The following TRPM6 variants were observed in gnomAD, a reference collection of about 807,000 sequenced individuals.
TRPM6 encodes the protein transient receptor potential cation channel subfamily M member 6, also known as channel kinase 2.
Under a neutral mutation model 247.6 loss-of-function variants are expected in TRPM6, and 111 were observed. The observed-to-expected ratio is 0.45, with a 90% CI of 0.38 to 0.52. TRPM6 has a LOEUF of 0.52. Among genes scored for constraint, TRPM6 ranks in the 20% least tolerant of loss-of-function variants. The probability of loss-of-function intolerance (pLI) is 0.00; values close to 1 mark genes in which losing one functional copy is unlikely to be tolerated. For synonymous variants in TRPM6, 892 were observed against 853.8 expected (o/e 1.04, Z -0.78); for missense variants, 2,126 against 2,421.5 (o/e 0.88, Z 2.56).
In TRPM6 at chr9:74,821,810, C is replaced by T. The variant is rs370159811; in HGVS notation, c.869G>A (p.Gly290Glu). ...CRSRQGVPVV[G>E]LVVEGGPNVI... ...GTTGGGACCGCCTTCCACCACCAGCCCCACGACCGGCACGCCTTGTCTTGA... is the reference window on the plus strand; with the variant it reads ...GTTGGGACCGCCTTCCACCACCAGCTCCACGACCGGCACGCCTTGTCTTGA... Residue 290 changes from glycine to glutamate, a missense_variant, in exon 8 of 39, where the codon GGG (glycine) becomes GAG (glutamate). Gly to Glu is a moderately conservative substitution (Grantham distance 98, BLOSUM62 -2). This residue lies in a region of TRPM6 where 1,082 missense variants were observed against 1,307.9 expected (regional missense o/e 0.83). Transcript: ENST00000360774. 70 of 1,614,060 alleles carry T rather than the reference C, an allele frequency of 4.3e-5. No homozygotes were observed. Among genetic ancestry groups the T allele is most frequent in the Non-Finnish European group, 5.8e-5 (69 of 1,180,040 alleles).
intron 24 of TRPM6, among the ~76,000 whole-genome samples, chr9:74,772,376 AT>A (rs1318529166): frequency 6.6e-6 from 1 of 152,214 alleles, no homozygotes; most frequent in East Asian, 1.9e-4. Context: ...TCTCTTCAAT[AT>A]TTTCACAGGT....
At chr9:74,882,542 A>C (rs979572301) in intron 1 of TRPM6, among the ~76,000 whole-genome samples, 2 of 152,226 alleles carry the variant, frequency 1.3e-5, no homozygotes, top group Non-Finnish European at 2.9e-5. Flanking sequence ...GTAAAATGCA[A>C]ATCAAAACCA....
chr9:74,754,509 G>T lies in TRPM6; in HGVS notation c.4906+844C>A, dbSNP rs1019100229. ...AGTTATGACAACAAAAATATCTCCA[G>T]ATATTCCCAAGTGTCCCACGGGGAA... On this transcript the variant is annotated intron_variant, in intron 28 of 38. Transcript: ENST00000360774. Among the ~76,000 whole-genome samples the T allele has an allele frequency of 1.3e-4, 20 of 152,270 alleles. 1 individual carries two copies. The highest frequency in any genetic ancestry group is 1.2e-3 in the Admixed American group (18 of 15,294).
At position 74,738,434 on chromosome 9, in the gene TRPM6, C is replaced by G; in HGVS notation, c.5749G>C (p.Gly1917Arg). The stretch of plus-strand genomic sequence containing the variant: ...TGCAAATCTAAAACCAGCAGCTCTC[C>G]CCGAGTGTACTCATAGGTCCAGTGA... Reference protein sequence around the residue: ...FSHWTYEYTRGELLVLDLQGV... With the variant: ...FSHWTYEYTRRELLVLDLQGV... Residue 1917 changes from glycine (G) to arginine (R), a missense_variant, in exon 36 of 39, where the codon GGA becomes CGA. By Grantham distance (125) the Gly-to-Arg change is moderately radical. Coordinates refer to ENST00000360774, the MANE Select transcript of TRPM6 (RefSeq NM_017662.5). 6.2e-7 allele frequency: 1 copy of G among 1,614,026 alleles called. No individual in the cohort carries two copies. Among genetic ancestry groups the G allele is most frequent in the African/African-American group, 1.3e-5 (1 of 75,010 alleles).
intron 25 of TRPM6, among the ~76,000 whole-genome samples, chr9:74,768,859 T>C (rs1826915694): frequency 6.6e-6 from 1 of 151,968 alleles, no homozygotes; most frequent in Admixed American, 6.6e-5. Context: ...CCTTAGTTTA[T>C]AGTTTAGAGT....
At chr9:74,741,659 G>A (rs1384772557) in intron 33 of TRPM6, among the ~76,000 whole-genome samples, 5 of 151,988 alleles carry the variant, frequency 3.3e-5, no homozygotes, top group African/African-American at 4.8e-5. Flanking sequence ...GGAGTCTGGG[G>A]CGGGTAGATC....
At chr9:74,862,335 T>C (rs1458730352) in intron 1 of TRPM6, among the ~76,000 whole-genome samples, 1 of 152,134 alleles carries the variant, frequency 6.6e-6, no homozygotes, top group East Asian at 1.9e-4. Flanking sequence ...TTTGTTGTGG[T>C]CGTGGTAGTT....
intron 3 of TRPM6, among the ~76,000 whole-genome samples, chr9:74,849,543 A>G (rs1168486455): frequency 1.3e-5 from 2 of 152,136 alleles, no homozygotes; most frequent in Non-Finnish European, 2.9e-5. Context: ...CCAACCCTGC[A>G]AACAACTTGG....
intron 1 of TRPM6, among the ~76,000 whole-genome samples, chr9:74,870,015 C>T (rs1051020031): frequency 6.6e-6 from 1 of 152,158 alleles, no homozygotes. Flanking sequence ...TTTTGCCCCT[C>T]TTACCCAGAG....
At position 74,842,475 on chromosome 9, in the gene TRPM6, T is replaced by C. The variant is rs937583773; in HGVS notation, c.153-132A>G. ...ACTTCACATTAAGGTTTATATTAAATTTCTAACATAGGACTGTCTTCTAAG... is the reference window on the plus strand; with the variant it reads ...ACTTCACATTAAGGTTTATATTAAACTTCTAACATAGGACTGTCTTCTAAG... On this transcript the variant is annotated intron_variant, in intron 3 of 38. Transcript: ENST00000360774. 3.2e-6 allele frequency: 3 copies of C among 933,244 alleles called. No homozygotes were observed. In the African/African-American group the frequency reaches 4.9e-5, roughly 15 times the overall value. The allele number at this position is 933,244 out of a possible 1,614,324, so 57.8% of individuals were successfully genotyped here.
rs1175885313 is a variant in TRPM6, at chr9:74,723,901, T to C, written c.*712A>G. The C allele has an allele frequency of 6.8e-6, 1 of 146,230 alleles. No individual in the cohort carries two copies. The highest frequency in any genetic ancestry group is 1.5e-5 in the Non-Finnish European group (1 of 66,398). 9.1% of individuals were successfully genotyped at this position (146,230 alleles called of 1,614,324 possible). On this transcript the variant is annotated 3_prime_UTR_variant, in exon 39 of 39. Transcript: ENST00000360774. ...TATATATTATATATATAAAAATATA[T>C]ATAATATACATATTCCATATATATT...
rs966231780 is a variant in TRPM6 at position 74,724,522 on chromosome 9, T to A, written c.*91A>T. 4 of 1,587,728 alleles carry A rather than the reference T, an allele frequency of 2.5e-6. No individual in the cohort carries two copies. The African/African-American group carries it at 5.4e-5, about 21-fold the overall frequency. Reference sequence around the variant, plus strand: ...CAGAAGGCGTGTCCCAAGGAGACGCTGATGTAATCAACATCACGTTGATCA... The same window carrying A: ...CAGAAGGCGTGTCCCAAGGAGACGCAGATGTAATCAACATCACGTTGATCA... On this transcript the variant is annotated 3_prime_UTR_variant, in exon 39 of 39. Coordinates refer to ENST00000360774, the MANE Select transcript of TRPM6 (RefSeq NM_017662.5).
At position 74,762,143 on chromosome 9, in the gene TRPM6, T is replaced by C. The variant is rs779567848; in HGVS notation, c.4528A>G (p.Ser1510Gly). Residue 1510 changes from serine (S) to glycine (G), a missense_variant, in exon 26 of 39, where the codon AGT becomes GGT. Coordinates refer to ENST00000360774, the MANE Select transcript of TRPM6 (RefSeq NM_017662.5). Reference sequence around the variant, plus strand: ...CATGGTCCCACCTCTGAGCATTCACTACTCTGGGCCGATCTTGTTGAGTTA... The same window carrying C: ...CATGGTCCCACCTCTGAGCATTCACCACTCTGGGCCGATCTTGTTGAGTTA... ...SDNSTRSAQS[S>G]ECSEVGPWLQ... 21 of 1,614,090 alleles carry C rather than the reference T, an allele frequency of 1.3e-5. No individual in the cohort carries two copies. Among genetic ancestry groups the C allele is most frequent in the Non-Finnish European group, 1.5e-5 (18 of 1,180,030 alleles).
At chr9:74,887,665 G>A (rs944434266) in intron 1 of TRPM6, 159 bp downstream of exon 1, 1 of 1,598,416 alleles carries the variant, frequency 6.3e-7, no homozygotes, top group African/African-American at 1.3e-5. Flanking sequence ...GTGGAGACCA[G>A]AGAACTTGAA....
At chr9:74,834,820 T>C (rs111311677) in intron 5 of TRPM6, among the ~76,000 whole-genome samples, 2 of 152,304 alleles carry the variant, frequency 1.3e-5, no homozygotes, top group African/African-American at 2.4e-5. Flanking sequence ...CCACATTTTC[T>C]TAATCCAATC....
At chr9:74,828,778 A>G (rs1829443949) in intron 6 of TRPM6, among the ~76,000 whole-genome samples, 1 of 151,688 alleles carries the variant, frequency 6.6e-6, no homozygotes, top group Non-Finnish European at 1.5e-5. Flanking sequence ...ACAGGCACAC[A>G]TCTCCACGCT....
At chr9:74,870,316 C>A (rs1212316796) in intron 1 of TRPM6, among the ~76,000 whole-genome samples, 1 of 152,036 alleles carries the variant, frequency 6.6e-6, no homozygotes, top group Non-Finnish European at 1.5e-5. Flanking sequence ...AGCTAATAAC[C>A]TAAAAACATG....
intron 38 of TRPM6, 125 bp from the exon 39 acceptor site, chr9:74,724,871 T>C: frequency 7.9e-7 from 1 of 1,262,594 alleles, no homozygotes; most frequent in Non-Finnish European, 1.1e-6. Flanking sequence ...ACCATAGATA[T>C]GTGGAACTCA....
At chr9:74,802,893 C>T (rs915082061) in intron 15 of TRPM6, among the ~76,000 whole-genome samples, 2 of 152,140 alleles carry the variant, frequency 1.3e-5, no homozygotes, top group Non-Finnish European at 2.9e-5. Flanking sequence ...TATCTCTGGG[C>T]TCATCATACT....
Sources: gnomAD v4.1 joint callset for allele counts (sites outside exome capture counted in the v4.1 genomes callset) on GRCh38, gnomAD v4.1.1 for gene constraint, gnomAD v4.1.1 regional missense constraint, MANE v1.5 for transcripts, NCBI Gene and HGNC (gene_info 2026-07-23, HGNC 2026-07-21) for gene names.